Variants in FUT8 observed in about 807,000 individuals in gnomAD.
FUT8 encodes the protein fucosyltransferase 8.
A neutral mutation model predicts 71.3 loss-of-function variants in FUT8; 29 were observed. That is an observed-to-expected ratio of 0.41 (90% CI 0.30 to 0.55). The LOEUF (loss-of-function observed/expected upper bound fraction) is 0.55, where lower values mean the gene tolerates loss of function less well. FUT8 is among the 20% of genes least tolerant of loss of function. The probability of loss-of-function intolerance (pLI) is 0.34; values close to 1 mark genes in which losing one functional copy is unlikely to be tolerated. For synonymous variants in FUT8, 254 were observed against 239.3 expected (o/e 1.06, Z -0.57); for missense variants, 544 against 702.1 (o/e 0.77, Z 2.55).
At chr14:65,619,040 A>G (rs1048756524) in intron 5 of FUT8, among the ~76,000 whole-genome samples, 2 of 152,074 alleles carry the variant, frequency 1.3e-5, no homozygotes, top group African/African-American at 4.8e-5. Context: ...TATGGAACTG[A>G]GAGGTCTGGG....
At chr14:65,626,194 G>A (rs151322550) in intron 5 of FUT8, among the ~76,000 whole-genome samples, 88 of 151,360 alleles carry the variant, frequency 5.8e-4, no homozygotes, top group African/African-American at 2.1e-3. Context: ...TAAAAGCTCA[G>A]AAACAACTCT....
At chr14:65,405,186 C>A in the FUT8 span, among the ~76,000 whole-genome samples, 1 of 152,280 alleles carries the variant, frequency 6.6e-6, no homozygotes, top group East Asian at 1.9e-4. Flanking sequence ...CCTTCATTTT[C>A]ATGATTTTTT....
At chr14:65,654,869 T>A (rs1416178951) in intron 6 of FUT8, among the ~76,000 whole-genome samples, 1 of 151,388 alleles carries the variant, frequency 6.6e-6, no homozygotes, top group Non-Finnish European at 1.5e-5. Context: ...GAAAAAAAAA[T>A]ACAGGACAAA....
intron 6 of FUT8, among the ~76,000 whole-genome samples, chr14:65,661,707 A>G (rs1051255368): frequency 2.0e-5 from 3 of 152,210 alleles, no homozygotes; most frequent in African/African-American, 7.2e-5. Flanking sequence ...TCACATTGCT[A>G]CTAATTTACT....
intron 2 of FUT8, among the ~76,000 whole-genome samples, chr14:65,462,634 C>G (rs906005411): frequency 2.0e-5 from 3 of 152,196 alleles, no homozygotes; most frequent in South Asian, 2.1e-4. Context: ...AAATAGGTCA[C>G]TGTAGTATCG....
intron 6 of FUT8, among the ~76,000 whole-genome samples, chr14:65,645,146 A>G (rs1045958717): frequency 1.3e-5 from 2 of 152,244 alleles, no homozygotes; most frequent in African/African-American, 4.8e-5. Context: ...TGAAAGCACC[A>G]CAAGTATTGA....
chr14:65,569,492 C>G (rs956941443), intron 3 of FUT8, among the ~76,000 whole-genome samples: 1 of 151,522 alleles, frequency 6.6e-6, no homozygotes, highest in African/African-American at 2.4e-5. Context: ...TTCATTGTGC[C>G]GTTAATCACA....
chr14:65,370,963 C>A, the FUT8 span, among the ~76,000 whole-genome samples: 1 of 152,140 alleles, frequency 6.6e-6, no homozygotes, highest in African/African-American at 2.4e-5. Flanking sequence ...CTGTGGGACG[C>A]TAAATATATG....
Position 65,603,058 on chromosome 14 carries a change from C to A in FUT8, c.204-12920C>A, listed in dbSNP as rs115625445. ...TTTGCTTTTGAAGTCTTCGCCTAAG[C>A]CAATGTCTAGAAGGATTTTTTCCGA... On this transcript the variant is annotated intron_variant, in intron 3 of 10. Coordinates refer to ENST00000673929, the MANE Select transcript of FUT8 (RefSeq NM_001371533.1). This position sits in a 1 kb window ranked among gnomAD's most constrained non-coding sequence, Gnocchi z 4.5. Among the ~76,000 whole-genome samples the A allele has an allele frequency of 6.6e-6, 1 of 151,832 alleles. No individual in the cohort carries two copies. The highest frequency in any genetic ancestry group is 6.6e-5 in the Admixed American group (1 of 15,216).
chr14:65,650,298 CAAAAAAAAAAAAAAAAAA>C (rs869168766), intron 6 of FUT8, among the ~76,000 whole-genome samples: 20 of 39,700 alleles, frequency 5.0e-4, no homozygotes, highest in African/African-American at 1.8e-3. Flanking sequence ...GACTCTGTCT[CAAAAAAAAAAAAAAAAAA>C]AAAAAAAAAA....
At chr14:65,622,024 A>C (rs1203648121) in intron 5 of FUT8, among the ~76,000 whole-genome samples, 5 of 152,078 alleles carry the variant, frequency 3.3e-5, no homozygotes, top group African/African-American at 1.2e-4. Flanking sequence ...GGATTTCACC[A>C]TGTTGGCCAG....
At chr14:65,462,749 G>A (rs748788936) in intron 2 of FUT8, among the ~76,000 whole-genome samples, 8 of 152,214 alleles carry the variant, frequency 5.3e-5, no homozygotes, top group Non-Finnish European at 1.0e-4. Context: ...ACCCCCTGTG[G>A]TCATGTATGT....
chr14:65,704,249 C>A (rs768233237), intron 7 of FUT8, among the ~76,000 whole-genome samples: 11 of 152,118 alleles, frequency 7.2e-5, no homozygotes, highest in Non-Finnish European at 1.5e-4. Flanking sequence ...CCTGCGAGAT[C>A]CTGATGGCAT....
intron 10 of FUT8, among the ~76,000 whole-genome samples, chr14:65,741,698 A>C (rs371478193): frequency 6.6e-6 from 1 of 151,962 alleles, no homozygotes; most frequent in South Asian, 2.1e-4. Flanking sequence ...CCTAATCCTA[A>C]ACTTCAAATT....
chr14:65,513,679 C>T (rs553390143), intron 2 of FUT8, among the ~76,000 whole-genome samples: 3 of 152,228 alleles, frequency 2.0e-5, no homozygotes, highest in African/African-American at 4.8e-5. Context: ...AACTTCTCTC[C>T]GTGTGTTAAC....
At chr14:65,357,080 C>G in the FUT8 span, among the ~76,000 whole-genome samples, 3 of 152,234 alleles carry the variant, frequency 2.0e-5, no homozygotes, top group Admixed American at 1.3e-4. Context: ...GGTTCCTTCA[C>G]TTACTAGGTG....
At chr14:65,381,986 T>C in the FUT8 span, among the ~76,000 whole-genome samples, 1 of 152,236 alleles carries the variant, frequency 6.6e-6, no homozygotes, top group Non-Finnish European at 1.5e-5. Context: ...CTATTGCAAC[T>C]TGGCTTCTGC....
intron 2 of FUT8, among the ~76,000 whole-genome samples, chr14:65,460,463 A>C (rs1288437731): frequency 6.6e-6 from 1 of 152,208 alleles, no homozygotes; most frequent in African/African-American, 2.4e-5. Context: ...TGCAACCCAC[A>C]GTATGTGCAC....
chr14:65,674,048 G>A (rs1892599856), intron 7 of FUT8, among the ~76,000 whole-genome samples: 2 of 152,012 alleles, frequency 1.3e-5, no homozygotes, highest in Non-Finnish European at 2.9e-5. Context: ...TCCTTAATAA[G>A]GATTGACGTC....
Sources: allele counts gnomAD v4.1 joint callset (sites outside exome capture counted in the v4.1 genomes callset), GRCh38; gene constraint gnomAD v4.1.1; non-coding constraint Gnocchi (gnomAD v3.1); transcripts MANE v1.5; gene names NCBI Gene and HGNC (gene_info 2026-07-23, HGNC 2026-07-21).